The following RAD50 variants were observed in gnomAD, a reference collection of about 807,000 sequenced individuals.
The protein encoded by RAD50 is RAD50 double strand break repair protein.
A neutral mutation model predicts 168.8 loss-of-function variants in RAD50; 132 were observed. The observed-to-expected ratio is 0.78, with a 90% CI of 0.68 to 0.90. RAD50 has a LOEUF of 0.90. Among genes scored for constraint, RAD50 ranks in the 40% least tolerant of loss-of-function variants. The pLI, the probability that RAD50 is intolerant of heterozygous loss-of-function variation, is 0.00. For synonymous variants in RAD50, 525 were observed against 497.4 expected (o/e 1.06, Z -0.74); for missense variants, 1,347 against 1,534.4 (o/e 0.88, Z 2.04).
chr5:132,557,209 CG>C lies in RAD50; in HGVS notation c.-114del. ...CAGTCCTGTGGCCTCGCTCCCCGCCCGGATCCTCCTGACCCTGAGATTCGCG... is the reference window on the plus strand; with the variant it reads ...CAGTCCTGTGGCCTCGCTCCCCGCCCGATCCTCCTGACCCTGAGATTCGCG... On this transcript the variant is annotated 5_prime_UTR_variant, in exon 1 of 25. Transcript: ENST00000378823. 6 of 1,434,316 alleles carry C rather than the reference CG, an allele frequency of 4.2e-6. No individual in the cohort carries two copies. Among genetic ancestry groups the C allele is most frequent in the South Asian group, 2.3e-5 (2 of 86,042 alleles). 88.8% of individuals were successfully genotyped at this position (1,434,316 alleles called of 1,614,324 possible). A position where few individuals can be genotyped will look rare whatever the true frequency, so the allele number is the denominator to read the frequency against.
At chr5:132,615,863 A>C (rs184741267) in intron 19 of RAD50, 140 bp from the exon 20 acceptor site, 16 of 849,646 alleles carry the variant, frequency 1.9e-5, no homozygotes, top group Non-Finnish European at 3.0e-5. Context: ...ATTCCTTCAC[A>C]CTGGCTTATT....
intron 2 of RAD50, among the ~76,000 whole-genome samples, chr5:132,564,676 A>G (rs551083311): frequency 2.0e-5 from 3 of 152,348 alleles, no homozygotes; most frequent in Admixed American, 6.5e-5. Flanking sequence ...AGAAATTTGC[A>G]TAAGTAAAGA....
intron 2 of RAD50, among the ~76,000 whole-genome samples, chr5:132,560,051 T>TACACACACACACACAC: frequency 6.8e-6 from 1 of 147,684 alleles, no homozygotes; most frequent in African/African-American, 2.5e-5. Flanking sequence ...GAAACAACAA[T>TACACACACACACACAC]ACACACACAC....
At chr5:132,577,168 T>C (rs1271250936) in intron 3 of RAD50, among the ~76,000 whole-genome samples, 1 of 152,230 alleles carries the variant, frequency 6.6e-6, no homozygotes, top group African/African-American at 2.4e-5. Flanking sequence ...TTCCGTCTTT[T>C]AGAGGCCACC....
rs876659005 is a variant in RAD50 at position 132,579,868 on chromosome 5, T to TA, written c.561dup (p.Ala188SerfsTer30). ...TTGTTTCATATCTTCAAAGATACAT[T>TA]AAAGCCTTAGAAACACTTCGGCAGG... On this transcript the variant is annotated frameshift_variant, in exon 5 of 25. Transcript: ENST00000378823. LOFTEE classifies it high-confidence loss of function. 5 of 1,610,026 alleles carry TA rather than the reference T, an allele frequency of 3.1e-6. No homozygotes were observed. The highest frequency in any genetic ancestry group is 4.2e-6 in the Non-Finnish European group (5 of 1,176,528).
chr5:132,604,095 AGCACAT>A (rs756212304), intron 15 of RAD50, 49 bp downstream of exon 15: 9 of 1,602,796 alleles, frequency 5.6e-6, no homozygotes, highest in Non-Finnish European at 7.7e-6. Flanking sequence ...TGACATTGCG[AGCACAT>A]GCCTTTTACA....
chr5:132,590,816 G>A (rs1750684638), intron 9 of RAD50, among the ~76,000 whole-genome samples: 1 of 152,154 alleles, frequency 6.6e-6, no homozygotes, highest in Admixed American at 6.5e-5. Flanking sequence ...TTGGGGTGGG[G>A]AGATACTTGG....
chr5:132,604,920 ATT>A lies in RAD50; in HGVS notation c.2641_2642del (p.Leu881AlafsTer16), dbSNP rs1174920993. The A allele has an allele frequency of 6.2e-7, 1 of 1,613,890 alleles. No individual in the cohort carries two copies. The highest frequency in any genetic ancestry group is 8.5e-7 in the Non-Finnish European group (1 of 1,179,910). On this transcript the variant is annotated frameshift_variant, in exon 16 of 25. Transcript: ENST00000378823. LOFTEE classifies it high-confidence loss of function. ...TCTGAGAAACTTCAGATATCCACTAATTTGCAACGTCGTCAGCAACTGGAGGA... is the reference window on the plus strand; with the variant it reads ...TCTGAGAAACTTCAGATATCCACTAATGCAACGTCGTCAGCAACTGGAGGA...
rs980553852 is a variant in RAD50 at position 132,644,778 on chromosome 5, T to TA, written c.*2414_*2415insA. 1 of 157,516 alleles carries TA rather than the reference T, an allele frequency of 6.3e-6. No homozygotes were observed. The highest frequency in any genetic ancestry group is 2.4e-5 in the African/African-American group (1 of 41,444). 9.8% of individuals were successfully genotyped at this position (157,516 alleles called of 1,614,324 possible). A position where few individuals can be genotyped will look rare whatever the true frequency, so the allele number is the denominator to read the frequency against. The stretch of plus-strand genomic sequence containing the variant: ...TACAACTCCTTGGCCTCTCAGTCTT[T>TA]TTTATTTTTTGAGGTGGAGTCTTGC... On this transcript the variant is annotated 3_prime_UTR_variant, in exon 25 of 25. Coordinates refer to ENST00000378823, the MANE Select transcript of RAD50 (RefSeq NM_005732.4).
At position 132,640,811 on chromosome 5, in the gene RAD50, T is replaced by C. The variant is rs776865177; in HGVS notation, c.3752+6T>C. On this transcript the variant is annotated splice_donor_region_variant and intron_variant, in intron 24 of 24. Coordinates refer to ENST00000378823, the MANE Select transcript of RAD50 (RefSeq NM_005732.4). ...CTTGCACATGCTCTGGTTGAGTAAG[T>C]ATCTCTTGCACATGCTCTGGTTGAG... 2 of 1,613,168 alleles carry C rather than the reference T, an allele frequency of 1.2e-6. No individual in the cohort carries two copies. Among genetic ancestry groups the C allele is most frequent in the South Asian group, 1.1e-5 (1 of 91,028 alleles).
At chr5:132,579,686 C>A in intron 4 of RAD50, 176 bp from the exon 5 acceptor site, 2 of 821,616 alleles carry the variant, frequency 2.4e-6, no homozygotes, top group Non-Finnish European at 3.9e-6. Flanking sequence ...TATTTATTTA[C>A]CTGATTGACA....
At position 132,618,147 on chromosome 5, in the gene RAD50, A is replaced by G. The variant is rs876659742; in HGVS notation, c.3242A>G (p.Tyr1081Cys). 2 of 1,613,934 alleles carry G rather than the reference A, an allele frequency of 1.2e-6. No individual in the cohort carries two copies. Among genetic ancestry groups the G allele is most frequent in the Non-Finnish European group, 1.7e-6 (2 of 1,179,892 alleles). ...HNLALGRQKGYEEEIIHFKKE... is the reference protein window; with the variant it reads ...HNLALGRQKGCEEEIIHFKKE... ...TTGGCATTAGGGCGACAGAAAGGTT[A>G]TGAAGAAGAAATTATTCATTTTAAG... The change falls in exon 21 of 25, where the codon TAT becomes TGT. Residue 1081 changes from tyrosine (Y) to cysteine (C), a missense_variant. Tyr to Cys is a radical substitution (Grantham distance 194). This residue lies in a region of RAD50 where 635 missense variants were observed against 739.2 expected (regional missense o/e 0.86). Transcript: ENST00000378823.
At chr5:132,594,808 C>G in intron 11 of RAD50, 61 bp from the exon 12 acceptor site, 1 of 1,513,572 alleles carries the variant, frequency 6.6e-7, no homozygotes, top group Non-Finnish European at 9.1e-7. Flanking sequence ...TTTGCCTACT[C>G]AAATTTTCAA....
chr5:132,579,534 A>C, intron 4 of RAD50, 32 bp downstream of exon 4: 1 of 1,583,566 alleles, frequency 6.3e-7, no homozygotes, highest in East Asian at 2.2e-5. Context: ...TTTGTAGTCC[A>C]TTAAGTTATT....
intron 7 of RAD50, among the ~76,000 whole-genome samples, chr5:132,588,371 A>T (rs915636924): frequency 1.3e-5 from 2 of 152,206 alleles, no homozygotes; most frequent in Admixed American, 6.5e-5. Context: ...GGAACTGTTC[A>T]GTATCTTGAC....
At chr5:132,633,013 G>C (rs1267821258) in intron 21 of RAD50, among the ~76,000 whole-genome samples, 1 of 151,244 alleles carries the variant, frequency 6.6e-6, no homozygotes, top group African/African-American at 2.4e-5. Flanking sequence ...CATTTTAATA[G>C]ATTCTAGATG....
intron 13 of RAD50, 139 bp from the exon 14 acceptor site, chr5:132,603,158 TATC>T: frequency 1.3e-6 from 1 of 762,100 alleles, no homozygotes; most frequent in Non-Finnish European, 2.1e-6. Flanking sequence ...GACATATTGA[TATC>T]ATGATTCCAT....
intron 12 of RAD50, 193 bp from the exon 13 acceptor site, chr5:132,595,380 A>G (rs1750771309): frequency 4.0e-6 from 2 of 503,126 alleles, no homozygotes; most frequent in South Asian, 7.4e-5. Flanking sequence ...AAAAATATTT[A>G]TACAAATCTG....
intron 13 of RAD50, among the ~76,000 whole-genome samples, chr5:132,602,625 A>T (rs1407988621): frequency 2.0e-5 from 3 of 152,202 alleles, no homozygotes; most frequent in South Asian, 2.1e-4. Context: ...AATACAAATT[A>T]TTCATATATA....
Sources: gnomAD v4.1 joint callset for allele counts (sites outside exome capture counted in the v4.1 genomes callset) on GRCh38, gnomAD v4.1.1 for gene constraint, gnomAD v4.1.1 regional missense constraint, MANE v1.5 for transcripts, NCBI Gene and HGNC (gene_info 2026-07-23, HGNC 2026-07-21) for gene names.